Variants in RNF13 observed in about 807,000 individuals in gnomAD.
RNF13 encodes the protein ring finger protein 13, also known as E3 ubiquitin-protein ligase RNF13.
In RNF13, 19 loss-of-function variants were observed where a neutral mutation model predicts 37.7. That is an observed-to-expected ratio of 0.50 (90% CI 0.35 to 0.74). The LOEUF is 0.74. Ranked by LOEUF, RNF13 falls within the 30% of genes least tolerant of loss-of-function variation. The pLI is 0.01. For missense variants in RNF13, 375 were observed against 453.0 expected (o/e 0.83, Z 1.56); for synonymous variants, 144 against 157.8 (o/e 0.91, Z 0.65).
At chr3:149,847,287 A>T (rs948458662) in intron 2 of RNF13, among the ~76,000 whole-genome samples, 2 of 152,192 alleles carry the variant, frequency 1.3e-5, no homozygotes, top group Non-Finnish European at 2.9e-5. Context: ...GAAGGTAGAA[A>T]AAGAACATAC....
chr3:149,899,308 G>A (rs1715578396), intron 5 of RNF13, among the ~76,000 whole-genome samples: 1 of 152,090 alleles, frequency 6.6e-6, no homozygotes, highest in Non-Finnish European at 1.5e-5. Flanking sequence ...TTAGCCAGGT[G>A]TGGTGGCGTG....
At chr3:149,940,562 T>G (rs1166600021) in intron 8 of RNF13, among the ~76,000 whole-genome samples, 1 of 152,124 alleles carries the variant, frequency 6.6e-6, no homozygotes, top group Non-Finnish European at 1.5e-5. Flanking sequence ...ACCTATATCA[T>G]TTTTCTTCTC....
intron 1 of RNF13, among the ~76,000 whole-genome samples, chr3:149,824,695 T>G (rs1720312228): frequency 6.6e-6 from 1 of 151,678 alleles, no homozygotes; most frequent in African/African-American, 2.4e-5. Flanking sequence ...TACACACAAA[T>G]ATAGTTAGGT....
At position 149,895,505 on chromosome 3, in the gene RNF13, A is replaced by T. The variant is rs899554140; in HGVS notation, c.354A>T (p.Ala118=). 2.5e-6 allele frequency: 4 copies of T among 1,607,264 alleles called. No individual in the cohort carries two copies. Among genetic ancestry groups the T allele is most frequent in the Non-Finnish European group, 1.7e-6 (2 of 1,176,388 alleles). The change falls in exon 5 of 10, where the codon GCA becomes GCT. Residue 118 remains alanine (A), a synonymous_variant. Transcript: ENST00000392894. The part of the protein sequence containing the change: ...VLNAQRAGYK[A]AIVHNVDSDD... ...ATGCACAGAGAGCAGGATACAAGGCAGCCATAGTTCACAATGTTGATTCTG... is the reference window on the plus strand; with the variant it reads ...ATGCACAGAGAGCAGGATACAAGGCTGCCATAGTTCACAATGTTGATTCTG...
At chr3:149,827,981 A>G (rs139400940) in intron 1 of RNF13, among the ~76,000 whole-genome samples, 23 of 151,970 alleles carry the variant, frequency 1.5e-4, no homozygotes, top group Admixed American at 2.6e-4. Context: ...CAGTTGTTAT[A>G]ATCAATGGGA....
intron 7 of RNF13, among the ~76,000 whole-genome samples, chr3:149,916,551 C>A (rs1026049160): frequency 6.6e-6 from 1 of 152,104 alleles, no homozygotes; most frequent in Non-Finnish European, 1.5e-5. Flanking sequence ...ATGCTAAATT[C>A]TTTACTTTCT....
intron 3 of RNF13, among the ~76,000 whole-genome samples, chr3:149,859,050 A>T (rs1173020046): frequency 2.0e-5 from 3 of 152,186 alleles, no homozygotes; most frequent in Non-Finnish European, 2.9e-5. Flanking sequence ...GCTCAGTGCC[A>T]CTTAGTGTAT....
chr3:149,870,004 A>G (rs1276080945), intron 3 of RNF13, among the ~76,000 whole-genome samples: 4 of 151,738 alleles, frequency 2.6e-5, no homozygotes, highest in Non-Finnish European at 5.9e-5. Flanking sequence ...AACCTACTGT[A>G]TGGTGCTACT....
At chr3:149,900,772 A>T (rs1001916218) in intron 5 of RNF13, among the ~76,000 whole-genome samples, 17 of 152,144 alleles carry the variant, frequency 1.1e-4, no homozygotes, top group Non-Finnish European at 2.5e-4. Flanking sequence ...TTTCTTGACT[A>T]ATATTTTTTG....
chr3:149,944,655 G>T (rs1720596477), intron 8 of RNF13, among the ~76,000 whole-genome samples: 1 of 152,098 alleles, frequency 6.6e-6, no homozygotes, highest in Non-Finnish European at 1.5e-5. Flanking sequence ...TGATGGGGTT[G>T]TTTGTTTTTT....
At chr3:149,876,116 A>C (rs1049648915) in intron 4 of RNF13, among the ~76,000 whole-genome samples, 1 of 152,250 alleles carries the variant, frequency 6.6e-6, no homozygotes, top group Non-Finnish European at 1.5e-5. Flanking sequence ...TTGTCATTTC[A>C]GTACCAGATG....
At chr3:149,824,691 C>A (rs1720311120) in intron 1 of RNF13, among the ~76,000 whole-genome samples, 2 of 149,842 alleles carry the variant, frequency 1.3e-5, no homozygotes, top group African/African-American at 2.5e-5. Context: ...GATATACACA[C>A]AAATATAGTT....
At chr3:149,900,086 T>G (rs2108499335) in intron 5 of RNF13, among the ~76,000 whole-genome samples, 1 of 152,330 alleles carries the variant, frequency 6.6e-6, no homozygotes, top group South Asian at 2.1e-4. Context: ...AATGTTGCCA[T>G]TTTCAAGATG....
chr3:149,864,908 CTTTT>C (rs1476634621), intron 3 of RNF13, among the ~76,000 whole-genome samples: 1 of 152,136 alleles, frequency 6.6e-6, no homozygotes, highest in African/African-American at 2.4e-5. Flanking sequence ...TCCCTCCCTC[CTTTT>C]TTCTTTTAAT....
chr3:149,895,250 C>A, intron 4 of RNF13: 1 of 370,000 alleles, frequency 2.7e-6, no homozygotes, highest in Admixed American at 4.4e-5. Flanking sequence ...TAATTCATGG[C>A]AGAGGTGGGA....
At chr3:149,842,581 A>G (rs1559900687) in intron 1 of RNF13, among the ~76,000 whole-genome samples, 1 of 152,206 alleles carries the variant, frequency 6.6e-6, no homozygotes, top group Admixed American at 6.5e-5. Context: ...TTTTACTGCA[A>G]TTATTATAAT....
At chr3:149,943,810 C>CTT (rs539953675) in intron 8 of RNF13, among the ~76,000 whole-genome samples, 1 of 146,306 alleles carries the variant, frequency 6.8e-6, no homozygotes, top group African/African-American at 2.5e-5. Context: ...GTTCTTTTGT[C>CTT]TTTTTTTTTT....
chr3:149,842,293 AT>A (rs1400976747), intron 1 of RNF13, among the ~76,000 whole-genome samples: 1 of 152,158 alleles, frequency 6.6e-6, no homozygotes, highest in East Asian at 1.9e-4. Flanking sequence ...AAGTTCAGAA[AT>A]TCTCAAATTG....
At chr3:149,841,177 G>A (rs11711746) in intron 1 of RNF13, among the ~76,000 whole-genome samples, 1,595 of 152,266 alleles carry the variant, frequency 0.01, 12 homozygotes, top group Non-Finnish European at 0.015. Flanking sequence ...TAGTAATACA[G>A]CTGACAGCCT....
Sources: gnomAD v4.1 joint callset for allele counts (sites outside exome capture counted in the v4.1 genomes callset) on GRCh38, gnomAD v4.1.1 for gene constraint, MANE v1.5 for transcripts, NCBI Gene and HGNC (gene_info 2026-07-23, HGNC 2026-07-21) for gene names.